GARNL3: variants seen among roughly 807,000 people sequenced by gnomAD.
GARNL3 encodes GTPase activating Rap/RanGAP domain like 3.
GARNL3 carries 63 observed loss-of-function variants against 125.0 expected under a neutral mutation model. That is an observed-to-expected ratio of 0.50 (90% CI 0.41 to 0.62). The LOEUF (loss-of-function observed/expected upper bound fraction) is 0.62, where lower values mean the gene tolerates loss of function less well. Among genes scored for constraint, GARNL3 ranks in the 20% least tolerant of loss-of-function variants. The probability of loss-of-function intolerance (pLI) is 0.00; values close to 1 mark genes in which losing one functional copy is unlikely to be tolerated. For missense variants in GARNL3, 994 were observed against 1,244.0 expected (o/e 0.80, Z 3.02); for synonymous variants, 439 against 457.5 (o/e 0.96, Z 0.52).
intron 22 of GARNL3, among the ~76,000 whole-genome samples, chr9:127,383,149 A>G (rs1832359222): frequency 6.6e-6 from 1 of 152,180 alleles, no homozygotes; most frequent in South Asian, 2.1e-4. Context: ...AATGGTATCT[A>G]CTTTGTGAAG....
At chr9:127,365,411 G>GA in intron 22 of GARNL3, 45 bp downstream of exon 22, 1 of 1,358,318 alleles carries the variant, frequency 7.4e-7, no homozygotes, top group Non-Finnish European at 1.0e-6. Context: ...TAAATGGACT[G>GA]CTTTTTTTTT....
rs746326741 is a variant in GARNL3 at position 127,385,123 on chromosome 9, A to G, written c.2366A>G (p.Gln789Arg). 3.1e-6 allele frequency: 5 copies of G among 1,606,266 alleles called. No homozygotes were observed. Among genetic ancestry groups the G allele is most frequent in the Non-Finnish European group, 4.3e-6 (5 of 1,175,174 alleles). The change falls in exon 24 of 28, where the codon CAG (glutamine) becomes CGG (arginine). Residue 789 changes from glutamine (Q) to arginine (R), a missense_variant. This residue lies in a region of GARNL3 where 728 missense variants were observed against 865.7 expected (regional missense o/e 0.84). Transcript: ENST00000373387. The surrounding 1 kb of genome is among the most constrained non-coding windows in gnomAD (Gnocchi z 4.1). ...CTGGTCCACACTGCAGTCGTGCCGC[A>G]GCTGCAGCTGGTGGCCTCCAGGGTG... ...GNLVHTAVVP[Q>R]LQLVASRSDI...
At chr9:127,337,141 A>C (rs1420339531) in intron 11 of GARNL3, among the ~76,000 whole-genome samples, 1 of 152,104 alleles carries the variant, frequency 6.6e-6, no homozygotes, top group Non-Finnish European at 1.5e-5. Flanking sequence ...AACAATATGC[A>C]CTTGCACCTT....
At chr9:127,393,025 A>T (rs60531797) in intron 27 of GARNL3, 58 bp from the exon 28 acceptor site, 1 of 1,393,810 alleles carries the variant, frequency 7.2e-7, no homozygotes, top group East Asian at 2.3e-5. Context: ...CCAGAAAAAA[A>T]TAGGCCCAGT....
intron 17 of GARNL3, among the ~76,000 whole-genome samples, chr9:127,350,220 T>A (rs1265006016): frequency 6.6e-6 from 1 of 152,230 alleles, no homozygotes; most frequent in Non-Finnish European, 1.5e-5. Flanking sequence ...ACAAAATGAT[T>A]GGAAACTGTG....
chr9:127,272,960 G>C (rs979068504), intron 1 of GARNL3, among the ~76,000 whole-genome samples: 19 of 152,006 alleles, frequency 1.2e-4, no homozygotes, highest in African/African-American at 4.6e-4. Flanking sequence ...CATTAGAATG[G>C]AATCAGAAAT....
intron 7 of GARNL3, among the ~76,000 whole-genome samples, chr9:127,331,852 C>A (rs890973087): frequency 4.6e-5 from 7 of 150,958 alleles, no homozygotes; most frequent in Non-Finnish European, 8.8e-5. Flanking sequence ...CACAATATAT[C>A]AGCCTGAGAT....
At chr9:127,304,530 C>CTTTT (rs61493807) in intron 2 of GARNL3, among the ~76,000 whole-genome samples, 143 of 99,236 alleles carry the variant, frequency 1.4e-3, no homozygotes, top group East Asian at 1.6e-3. Flanking sequence ...TGGCTTTATT[C>CTTTT]TTTTTTTTTT....
intron 22 of GARNL3, among the ~76,000 whole-genome samples, chr9:127,366,484 G>C (rs1298115344): frequency 6.6e-6 from 1 of 152,182 alleles, no homozygotes. Flanking sequence ...TGCATCCCCA[G>C]GTTTATGGCT....
At position 127,385,123 on chromosome 9, in the gene GARNL3, A is replaced by C; in HGVS notation, c.2366A>C (p.Gln789Pro). Residue 789 changes from glutamine to proline, a missense_variant, in exon 24 of 28, where the codon CAG becomes CCG. Around this residue, in one of 5 missense-constraint regions of GARNL3, gnomAD observed 728 missense variants for 865.7 expected, o/e 0.84. Transcript: ENST00000373387. This position sits in a 1 kb window ranked among gnomAD's most constrained non-coding sequence, Gnocchi z 4.1. ...GNLVHTAVVP[Q>P]LQLVASRSDI... ...CTGGTCCACACTGCAGTCGTGCCGCAGCTGCAGCTGGTGGCCTCCAGGGTG... is the reference window on the plus strand; with the variant it reads ...CTGGTCCACACTGCAGTCGTGCCGCCGCTGCAGCTGGTGGCCTCCAGGGTG... 1 of 1,606,266 alleles carries C rather than the reference A, an allele frequency of 6.2e-7. No homozygotes were observed. The highest frequency in any genetic ancestry group is 8.5e-7 in the Non-Finnish European group (1 of 1,175,174).
At chr9:127,339,489 G>A (rs140401744) in intron 12 of GARNL3, among the ~76,000 whole-genome samples, 156 bp from the exon 13 acceptor site, 3,073 of 152,180 alleles carry the variant, frequency 0.02, 60 homozygotes, top group Non-Finnish European at 0.029. Context: ...AGAATAGCAC[G>A]GGAAAGACTG....
At chr9:127,316,889 T>C (rs1182259340) in intron 4 of GARNL3, among the ~76,000 whole-genome samples, 1 of 152,254 alleles carries the variant, frequency 6.6e-6, no homozygotes, top group African/African-American at 2.4e-5. Context: ...AATTGGCAGA[T>C]GTGTCCCAAT....
At chr9:127,227,246 C>T (rs2062929026) in intron 1 of GARNL3, among the ~76,000 whole-genome samples, 1 of 152,158 alleles carries the variant, frequency 6.6e-6, no homozygotes, top group Non-Finnish European at 1.5e-5. Flanking sequence ...CTATTTGATA[C>T]TCCATGACAT....
At chr9:127,331,105 G>A (rs1046149632) in intron 7 of GARNL3, among the ~76,000 whole-genome samples, 7 of 151,794 alleles carry the variant, frequency 4.6e-5, no homozygotes, top group African/African-American at 1.5e-4. Flanking sequence ...TGTAGAGGTC[G>A]ATTCTCTTCC....
intron 1 of GARNL3, among the ~76,000 whole-genome samples, chr9:127,239,052 TC>T (rs2063159611): frequency 6.6e-6 from 1 of 152,166 alleles, no homozygotes; most frequent in African/African-American, 2.4e-5. Flanking sequence ...TTCCCATCAG[TC>T]CACCCAATTA....
chr9:127,338,665 G>A (rs1448393741), intron 12 of GARNL3, among the ~76,000 whole-genome samples: 1 of 152,190 alleles, frequency 6.6e-6, no homozygotes, highest in Non-Finnish European at 1.5e-5. Context: ...GTGACAATCA[G>A]AGGCAATACT....
At position 127,387,338 on chromosome 9, in the gene GARNL3, T is replaced by A. The variant is rs780570275; in HGVS notation, c.2527+7T>A. The A allele has an allele frequency of 3.0e-5, 48 of 1,607,480 alleles. 1 individual carries two copies. The South Asian group carries it at 4.7e-4, about 16-fold the overall frequency. ...CCTTCTTCCCTGGGGGAAGGTGAAG[T>A]CCAAGTTTTACTGTTTTATTAATAT... On this transcript the variant is annotated splice_region_variant and intron_variant, in intron 25 of 27. Transcript: ENST00000373387.
chr9:127,245,855 G>A (rs1223029867), intron 2 of GARNL3, among the ~76,000 whole-genome samples: 2 of 152,108 alleles, frequency 1.3e-5, no homozygotes, highest in Non-Finnish European at 2.9e-5. Flanking sequence ...ATTGGACTTC[G>A]GTCTGTCTGG....
rs1188841596 is a variant in GARNL3, at chr9:127,333,134, C to T, written c.769+13C>T. 1.3e-6 allele frequency: 2 copies of T among 1,593,902 alleles called. No homozygotes were observed. The highest frequency in any genetic ancestry group is 1.7e-6 in the Non-Finnish European group (2 of 1,161,824). The stretch of plus-strand genomic sequence containing the variant: ...CTGGATACCAAAAGTAAGCCTGCCT[C>T]TTGATCTATTCTGTTGTAATTTGTA... On this transcript the variant is annotated intron_variant, in intron 9 of 27. Transcript: ENST00000373387.
Sources: gnomAD v4.1 joint callset for allele counts (sites outside exome capture counted in the v4.1 genomes callset) on GRCh38, gnomAD v4.1.1 for gene constraint, gnomAD v4.1.1 regional missense constraint, Gnocchi (gnomAD v3.1) non-coding constraint, MANE v1.5 for transcripts, NCBI Gene and HGNC (gene_info 2026-07-23, HGNC 2026-07-21) for gene names.